Variants in KALRN observed in about 807,000 individuals in gnomAD.
KALRN encodes the protein kalirin RhoGEF kinase.
A neutral mutation model predicts 353.7 loss-of-function variants in KALRN; 70 were observed. That is an observed-to-expected ratio of 0.20 (90% CI 0.16 to 0.24). The LOEUF (loss-of-function observed/expected upper bound fraction) is 0.24. Among genes scored for constraint, KALRN ranks in the 10% least tolerant of loss-of-function variants. The pLI, the probability that KALRN is intolerant of heterozygous loss-of-function variation, is 1.00. For missense variants in KALRN, 2,791 were observed against 3,756.7 expected (o/e 0.74, Z 6.72); for synonymous variants, 1,391 against 1,434.8 (o/e 0.97, Z 0.69).
In KALRN at chr3:124,058,068, T is replaced by A. The variant is rs146754286; in HGVS notation, c.73+24255T>A. Among the ~76,000 whole-genome samples, 844 of 152,278 alleles carry A rather than the reference T, an allele frequency of 5.5e-3. 6 individuals are homozygous for A. The highest frequency in any genetic ancestry group is 0.01 in the Middle Eastern group (3 of 294). Reference sequence around the variant, plus strand: ...AGCTTGTGCATAAAAACTCCCATTTTAAAAATAATCAGATCTCGTGAGACT... The same window carrying A: ...AGCTTGTGCATAAAAACTCCCATTTAAAAAATAATCAGATCTCGTGAGACT... On this transcript the variant is annotated intron_variant, in intron 1 of 59. Coordinates refer to ENST00000682506, the MANE Select transcript of KALRN (RefSeq NM_001388419.1).
At chr3:124,412,965 T>C (rs754570976) in intron 13 of KALRN, among the ~76,000 whole-genome samples, 33 of 152,326 alleles carry the variant, frequency 2.2e-4, no homozygotes, top group Non-Finnish European at 3.5e-4. Flanking sequence ...GTTTTTGAAA[T>C]ACTACTTAAT....
intron 33 of KALRN, among the ~76,000 whole-genome samples, chr3:124,505,598 A>C (rs2108737121): frequency 6.6e-6 from 1 of 152,276 alleles, no homozygotes; most frequent in Admixed American, 6.5e-5. Context: ...GCACCACTGT[A>C]CTCCAACCTG....
At chr3:124,578,766 T>TAA (rs10526930) in intron 34 of KALRN, among the ~76,000 whole-genome samples, 12 of 144,576 alleles carry the variant, frequency 8.3e-5, no homozygotes, top group Middle Eastern at 3.6e-3. Context: ...AAACTCCATT[T>TAA]AAAAAAAAAA....
chr3:124,240,024 A>G (rs775507550), intron 3 of KALRN, among the ~76,000 whole-genome samples: 1 of 152,216 alleles, frequency 6.6e-6, no homozygotes, highest in Non-Finnish European at 1.5e-5. Flanking sequence ...ATCCATTTTG[A>G]ATTTAAACCC....
At chr3:124,356,394 C>T (rs1013549547) in intron 10 of KALRN, among the ~76,000 whole-genome samples, 19 of 146,810 alleles carry the variant, frequency 1.3e-4, no homozygotes, top group African/African-American at 4.3e-4. Context: ...AGTGCAATGG[C>T]GCGATTTCGG....
At chr3:124,654,817 T>G (rs973147686) in intron 38 of KALRN, among the ~76,000 whole-genome samples, 4 of 150,614 alleles carry the variant, frequency 2.7e-5, no homozygotes, top group Non-Finnish European at 4.4e-5. Context: ...TTTTCATTTA[T>G]ATAAAATAGG....
chr3:124,150,003 A>T (rs956888126), intron 1 of KALRN, among the ~76,000 whole-genome samples: 1 of 152,210 alleles, frequency 6.6e-6, no homozygotes, highest in African/African-American at 2.4e-5. Flanking sequence ...TTTCCAATGA[A>T]TGCCAAGCTG....
chr3:124,207,231 C>T (rs2150456952), intron 1 of KALRN, among the ~76,000 whole-genome samples: 1 of 152,310 alleles, frequency 6.6e-6, no homozygotes, highest in Middle Eastern at 3.4e-3. Flanking sequence ...GGCCCCCAGG[C>T]AGTGACTAGC....
chr3:124,696,553 A>G (rs2062062392), intron 54 of KALRN, among the ~76,000 whole-genome samples: 1 of 152,140 alleles, frequency 6.6e-6, no homozygotes. Context: ...CATTTTTTAA[A>G]AAATTCAAAT....
intron 1 of KALRN, among the ~76,000 whole-genome samples, chr3:124,212,916 T>C (rs557839681): frequency 2.0e-5 from 3 of 152,212 alleles, no homozygotes; most frequent in African/African-American, 7.2e-5. Context: ...CTTTTTGAAA[T>C]GTATATTTAT....
intron 1 of KALRN, among the ~76,000 whole-genome samples, chr3:124,084,499 T>C (rs2060704639): frequency 6.6e-6 from 1 of 152,228 alleles, no homozygotes; most frequent in Admixed American, 6.5e-5. Context: ...GCACATGAGC[T>C]GCACATCAGT....
At chr3:124,287,717 G>A (rs568901624) in intron 5 of KALRN, among the ~76,000 whole-genome samples, 41 of 122,854 alleles carry the variant, frequency 3.3e-4, no homozygotes, top group African/African-American at 1.1e-3. Flanking sequence ...AGTATATTGA[G>A]GTTACCTGGA....
At chr3:124,707,983 CTG>C (rs1484970008) in intron 57 of KALRN, among the ~76,000 whole-genome samples, 2 of 152,230 alleles carry the variant, frequency 1.3e-5, no homozygotes, top group Admixed American at 6.5e-5. Context: ...TGCTCAGTGA[CTG>C]TTTAGTCTCA....
At chr3:124,060,406 C>T (rs2041905568) in intron 1 of KALRN, among the ~76,000 whole-genome samples, 1 of 152,198 alleles carries the variant, frequency 6.6e-6, no homozygotes, top group Admixed American at 6.5e-5. Flanking sequence ...CTTTCTTTCA[C>T]TATCTCTCTC....
intron 5 of KALRN, among the ~76,000 whole-genome samples, chr3:124,274,743 C>G (rs1163213464): frequency 6.6e-6 from 1 of 152,148 alleles, no homozygotes; most frequent in Non-Finnish European, 1.5e-5. Context: ...GACATCTAGC[C>G]CAAATGAGAA....
At chr3:124,332,463 G>A (rs1560588805) in intron 8 of KALRN, among the ~76,000 whole-genome samples, 1 of 152,054 alleles carries the variant, frequency 6.6e-6, no homozygotes, top group African/African-American at 2.4e-5. Flanking sequence ...AGCCAGCTTT[G>A]ATTTAGTTGG....
chr3:124,683,095 G>A (rs987201482), intron 51 of KALRN, among the ~76,000 whole-genome samples: 1 of 151,850 alleles, frequency 6.6e-6, no homozygotes, highest in Non-Finnish European at 1.5e-5. Context: ...GGTGAAAGGG[G>A]GGCATCATAC....
chr3:124,616,269 C>A (rs1162047628), intron 34 of KALRN, among the ~76,000 whole-genome samples: 1 of 152,178 alleles, frequency 6.6e-6, no homozygotes, highest in African/African-American at 2.4e-5. Flanking sequence ...TATAATTAAG[C>A]CTGTTGCAGT....
intron 1 of KALRN, among the ~76,000 whole-genome samples, chr3:124,087,590 T>A (rs898409770): frequency 6.6e-6 from 1 of 152,146 alleles, no homozygotes; most frequent in Non-Finnish European, 1.5e-5. Flanking sequence ...ACCCTAAATC[T>A]TAGTGACTTA....
Sources: gnomAD v4.1 joint callset for allele counts (sites outside exome capture counted in the v4.1 genomes callset) on GRCh38, gnomAD v4.1.1 for gene constraint, MANE v1.5 for transcripts, NCBI Gene and HGNC (gene_info 2026-07-23, HGNC 2026-07-21) for gene names.